Variants in CNOT10 observed in about 807,000 individuals in gnomAD.
The protein encoded by CNOT10 is CCR4-NOT transcription complex, subunit 10.
CNOT10 carries 30 observed loss-of-function variants against 94.6 expected under a neutral mutation model. That is an observed-to-expected ratio of 0.32 (90% CI 0.24 to 0.43). The LOEUF (loss-of-function observed/expected upper bound fraction) is 0.43. CNOT10 is among the 20% of genes least tolerant of loss of function. The pLI is 1.00. For synonymous variants in CNOT10, 289 were observed against 301.6 expected (o/e 0.96, Z 0.43); for missense variants, 759 against 877.2 (o/e 0.87, Z 1.70).
chr3:32,753,490 A>G, intron 13 of CNOT10: 1 of 1,563,526 alleles, frequency 6.4e-7, no homozygotes, highest in South Asian at 1.1e-5. Flanking sequence ...TCATCCTATA[A>G]TACCAGAACA....
intron 2 of CNOT10, 128 bp downstream of exon 2, chr3:32,704,090 A>G (rs1290770204): frequency 1.3e-5 from 7 of 548,630 alleles, no homozygotes; most frequent in Non-Finnish European, 1.9e-5. Context: ...AGAGATAAGT[A>G]GGTTTAATTT....
intron 13 of CNOT10, among the ~76,000 whole-genome samples, chr3:32,744,089 G>C (rs773269450): frequency 6.6e-6 from 1 of 152,142 alleles, no homozygotes; most frequent in Non-Finnish European, 1.5e-5. Context: ...GGGAGGAGTC[G>C]TAAAAGAATT....
chr3:32,708,194 G>A (rs114308655), intron 3 of CNOT10, among the ~76,000 whole-genome samples: 4,418 of 152,156 alleles, frequency 0.029, 81 homozygotes, highest in African/African-American at 0.052. Flanking sequence ...TGCCACGCCC[G>A]GCCAGCTATT....
At chr3:32,707,161 G>A (rs1697659974) in intron 3 of CNOT10, among the ~76,000 whole-genome samples, 1 of 152,086 alleles carries the variant, frequency 6.6e-6, no homozygotes, top group African/African-American at 2.4e-5. Context: ...TAGACTTCCA[G>A]TTTCATGTGT....
At chr3:32,736,820 T>G (rs1230686522) in intron 12 of CNOT10, among the ~76,000 whole-genome samples, 3 of 151,592 alleles carry the variant, frequency 2.0e-5, no homozygotes, top group Non-Finnish European at 1.5e-5. Flanking sequence ...ATTAGAATAA[T>G]GAGAAATGCG....
chr3:32,758,811 G>A lies in CNOT10; in HGVS notation c.1596-647G>A, dbSNP rs112348366. Among the ~76,000 whole-genome samples the A allele has an allele frequency of 2.6e-3, 390 of 152,236 alleles. 3 individuals are homozygous for A. Among genetic ancestry groups the A allele is most frequent in the African/African-American group, 8.8e-3 (366 of 41,548 alleles). On this transcript the variant is annotated intron_variant, in intron 13 of 18. Coordinates refer to ENST00000328834, the MANE Select transcript of CNOT10 (RefSeq NM_015442.3). ...ACTTAGATTTCCAATCCAACTTAGC[G>A]AAATCAATGTAACTTAAACGTTGTC...
Position 32,764,668 on chromosome 3 carries a change from C to A in CNOT10, c.1877-14C>A. The A allele has an allele frequency of 6.2e-7, 1 of 1,613,550 alleles. No homozygotes were observed. The highest frequency in any genetic ancestry group is 8.5e-7 in the Non-Finnish European group (1 of 1,179,810). On this transcript the variant is annotated splice_polypyrimidine_tract_variant and intron_variant, in intron 16 of 18. Coordinates refer to ENST00000328834, the MANE Select transcript of CNOT10 (RefSeq NM_015442.3). ...CACGGCCTCTTCACCAGTGTCTACACTCTTTTTCCCCAGCTGGTAAGCGGG... is the reference window on the plus strand; with the variant it reads ...CACGGCCTCTTCACCAGTGTCTACAATCTTTTTCCCCAGCTGGTAAGCGGG...
intron 8 of CNOT10, among the ~76,000 whole-genome samples, chr3:32,724,588 A>G (rs1043173516): frequency 6.6e-6 from 1 of 151,586 alleles, no homozygotes; most frequent in Admixed American, 6.6e-5. Flanking sequence ...AATTTTTTGT[A>G]TTTTTAGTAG....
In CNOT10 at chr3:32,685,429, C is replaced by G; in HGVS notation, c.-32C>G. The G allele has an allele frequency of 1.3e-6, 2 of 1,550,122 alleles. No individual in the cohort carries two copies. The highest frequency in any genetic ancestry group is 1.7e-6 in the Non-Finnish European group (2 of 1,146,710). ...GCGGCGGGAGTCAGGGCCACGCCAC[C>G]TGCAGGGAAGAACCCGAGTCGAAGC... On this transcript the variant is annotated 5_prime_UTR_variant, in exon 1 of 19. Coordinates refer to ENST00000328834, the MANE Select transcript of CNOT10 (RefSeq NM_015442.3).
intron 1 of CNOT10, among the ~76,000 whole-genome samples, chr3:32,699,217 A>G (rs186453720): frequency 6.6e-6 from 1 of 152,178 alleles, no homozygotes; most frequent in African/African-American, 2.4e-5. Context: ...TCAGAGGTAC[A>G]TATTTGTGTA....
intron 7 of CNOT10, among the ~76,000 whole-genome samples, chr3:32,718,285 A>G (rs1698213952): frequency 7.3e-6 from 1 of 137,904 alleles, no homozygotes; most frequent in South Asian, 2.5e-4. Context: ...TTTTTTAATG[A>G]TAAAAGACAT....
chr3:32,735,030 T>A, intron 12 of CNOT10, 54 bp downstream of exon 12: 1 of 1,455,486 alleles, frequency 6.9e-7, no homozygotes, highest in Non-Finnish European at 9.4e-7. Flanking sequence ...ACTTCTTTAG[T>A]AAACCCTTTG....
In CNOT10 at chr3:32,716,291, G is replaced by A. The variant is rs1407749528; in HGVS notation, c.640G>A (p.Ala214Thr). The change falls in exon 6 of 19, where the codon GCA (alanine) becomes ACA (threonine). Residue 214 changes from alanine to threonine, a missense_variant. This residue lies in a region of CNOT10 where 682 missense variants were observed against 799.4 expected (regional missense o/e 0.85). Coordinates refer to ENST00000328834, the MANE Select transcript of CNOT10 (RefSeq NM_015442.3). ...TGAAAGTGGAGCTCTAATAGAAGCT[G>A]CAAAATCAAAGATACATCAGGTAGT... ...KAESGALIEA[A>T]KSKIHQYKVR... is the part of the protein sequence containing the mutation. 1 of 1,595,128 alleles carries A rather than the reference G, an allele frequency of 6.3e-7. No individual in the cohort carries two copies. The highest frequency in any genetic ancestry group is 1.1e-5 in the South Asian group (1 of 88,866).
chr3:32,772,620 C>G (rs181194763), intron 18 of CNOT10, among the ~76,000 whole-genome samples: 7 of 152,094 alleles, frequency 4.6e-5, no homozygotes, highest in Admixed American at 4.6e-4. Flanking sequence ...TTGCTTGAAT[C>G]TGGGAGATGG....
At chr3:32,733,367 T>C (rs1219758246) in intron 10 of CNOT10, 56 bp from the exon 11 acceptor site, 1 of 1,350,984 alleles carries the variant, frequency 7.4e-7, no homozygotes, top group Non-Finnish European at 1.0e-6. Flanking sequence ...CCCTCATTTT[T>C]TATACCACAT....
intron 10 of CNOT10, among the ~76,000 whole-genome samples, chr3:32,729,049 T>G (rs1430407907): frequency 6.6e-6 from 1 of 152,102 alleles, no homozygotes; most frequent in Admixed American, 6.6e-5. Flanking sequence ...CTAGCCAAGA[T>G]CGCGCCACTG....
chr3:32,702,117 A>G (rs572307097), intron 1 of CNOT10, among the ~76,000 whole-genome samples: 22 of 146,672 alleles, frequency 1.5e-4, no homozygotes, highest in Admixed American at 2.7e-4. Context: ...TTTTTTCTCA[A>G]GACAGTCTCA....
chr3:32,772,309 A>T (rs1345548085), intron 18 of CNOT10, among the ~76,000 whole-genome samples: 3 of 151,756 alleles, frequency 2.0e-5, no homozygotes, highest in Non-Finnish European at 4.4e-5. Context: ...AGATCGTGCC[A>T]CTGCACTCCA....
chr3:32,713,129 T>G (rs1015274143), intron 4 of CNOT10, 98 bp from the exon 5 acceptor site: 2 of 941,052 alleles, frequency 2.1e-6, no homozygotes, highest in Non-Finnish European at 3.1e-6. Flanking sequence ...ACTTATGCTT[T>G]GCTATTTAAA....
Sources: allele counts gnomAD v4.1 joint callset (sites outside exome capture counted in the v4.1 genomes callset), GRCh38; gene constraint gnomAD v4.1.1; regional missense constraint gnomAD v4.1.1; transcripts MANE v1.5; gene names NCBI Gene and HGNC (gene_info 2026-07-23, HGNC 2026-07-21).